The following NAALADL2 variants were observed in gnomAD, a reference collection of about 807,000 sequenced individuals.
NAALADL2 encodes the protein inactive N-acetylated-alpha-linked acidic dipeptidase-like protein 2.
Under a neutral mutation model 87.2 loss-of-function variants are expected in NAALADL2, and 76 were observed. The ratio of observed to expected loss-of-function variants is 0.87; its 90% CI spans 0.72 to 1.05. The LOEUF (loss-of-function observed/expected upper bound fraction) is 1.05. Among genes scored for constraint, NAALADL2 ranks in the 50% least tolerant of loss-of-function variants. NAALADL2 has a pLI of 0.00. For missense variants in NAALADL2, 1,089 were observed against 945.8 expected (o/e 1.15, Z -1.99); for synonymous variants, 354 against 331.0 (o/e 1.07, Z -0.75).
At chr3:174,638,737 G>T (rs1222421442) in intron 2 of NAALADL2, among the ~76,000 whole-genome samples, 1 of 152,152 alleles carries the variant, frequency 6.6e-6, no homozygotes, top group African/African-American at 2.4e-5. Flanking sequence ...AGAAAAATTG[G>T]TGAAGGAATT....
At chr3:175,765,318 T>G (rs1439293575) in intron 13 of NAALADL2, among the ~76,000 whole-genome samples, 1 of 152,126 alleles carries the variant, frequency 6.6e-6, no homozygotes, top group African/African-American at 2.4e-5. Flanking sequence ...GTCCCTTTAA[T>G]ATTTTTAAAG....
At chr3:175,094,125 T>C (rs9831562) in intron 1 of NAALADL2, among the ~76,000 whole-genome samples, 10,253 of 150,958 alleles carry the variant, frequency 0.068, 641 homozygotes, top group African/African-American at 0.17. Flanking sequence ...CAATGTTTTT[T>C]AAAAAAAAAC....
chr3:175,310,456 T>C (rs779779238), intron 4 of NAALADL2, among the ~76,000 whole-genome samples: 6 of 152,214 alleles, frequency 3.9e-5, no homozygotes, highest in Admixed American at 1.3e-4. Flanking sequence ...CAGAAAATGA[T>C]GTATGTCACT....
intron 13 of NAALADL2, among the ~76,000 whole-genome samples, chr3:175,767,177 G>T (rs1272365860): frequency 6.6e-6 from 1 of 151,946 alleles, no homozygotes; most frequent in Non-Finnish European, 1.5e-5. Context: ...CAGTCTGCTT[G>T]CTAAAAACAC....
intron 3 of NAALADL2, among the ~76,000 whole-genome samples, chr3:175,250,759 T>C (rs1748913802): frequency 6.6e-6 from 1 of 152,204 alleles, no homozygotes; most frequent in African/African-American, 2.4e-5. Context: ...CAATGCAAGA[T>C]TGCTATCTGA....
rs546424866 is a variant in NAALADL2 at position 174,921,558 on chromosome 3, T to C, written c.43+62108T>C. On this transcript the variant is annotated intron_variant, in intron 1 of 13. Transcript: ENST00000454872. ...GGCTCACACCTGTAATCCCAGCACT[T>C]TGGCAGGCCGAGGCAGGCGGATCAC... 6.6e-5 allele frequency among the ~76,000 whole-genome samples: 10 copies of C among 152,146 alleles called. No homozygotes were observed. In the South Asian group the frequency reaches 2.1e-3, roughly 32 times the overall value.
At chr3:175,156,611 A>G (rs1732371882) in intron 2 of NAALADL2, among the ~76,000 whole-genome samples, 1 of 152,142 alleles carries the variant, frequency 6.6e-6, no homozygotes, top group African/African-American at 2.4e-5. Flanking sequence ...TGAAATACTG[A>G]TTAAATATTA....
chr3:175,545,615 A>C (rs1713177294), intron 9 of NAALADL2, among the ~76,000 whole-genome samples: 4 of 152,150 alleles, frequency 2.6e-5, no homozygotes, highest in Admixed American at 2.6e-4. Context: ...TTGCATTACT[A>C]TAATGTTAAA....
At chr3:175,107,511 TACACACACACACAC>T (rs776469358) in intron 2 of NAALADL2, among the ~76,000 whole-genome samples, 1 of 117,270 alleles carries the variant, frequency 8.5e-6, no homozygotes, top group East Asian at 2.4e-4. Context: ...AACACACACA[TACACACACACACAC>T]ACACACACAA....
chr3:174,443,716 T>C (rs745442783), intron 1 of NAALADL2, among the ~76,000 whole-genome samples: 78 of 152,246 alleles, frequency 5.1e-4, no homozygotes, highest in Non-Finnish European at 9.1e-4. Context: ...CATAATGGTG[T>C]ACGTCAGCAT....
At chr3:175,666,997 A>C (rs922914581) in intron 11 of NAALADL2, among the ~76,000 whole-genome samples, 1 of 151,834 alleles carries the variant, frequency 6.6e-6, no homozygotes, top group African/African-American at 2.4e-5. Flanking sequence ...TTGACAAATA[A>C]ATATGGCATG....
At chr3:174,659,136 G>A (rs1725267199) in intron 2 of NAALADL2, among the ~76,000 whole-genome samples, 1 of 152,150 alleles carries the variant, frequency 6.6e-6, no homozygotes, top group Non-Finnish European at 1.5e-5. Flanking sequence ...TAGTTATGAT[G>A]TGGAAATTAT....
At chr3:174,623,681 G>A (rs1721266935) in intron 2 of NAALADL2, among the ~76,000 whole-genome samples, 1 of 151,354 alleles carries the variant, frequency 6.6e-6, no homozygotes, top group Non-Finnish European at 1.5e-5. Flanking sequence ...GTGTACCCAT[G>A]CAGTTTAACC....
At chr3:174,995,376 CTT>C (rs1444341275) in intron 1 of NAALADL2, among the ~76,000 whole-genome samples, 1 of 152,022 alleles carries the variant, frequency 6.6e-6, no homozygotes, top group Non-Finnish European at 1.5e-5. Flanking sequence ...AAATTTAAAA[CTT>C]ATAGCACAAA....
chr3:174,885,915 T>G (rs1579359333), intron 1 of NAALADL2, among the ~76,000 whole-genome samples: 1 of 48,176 alleles, frequency 2.1e-5, no homozygotes, highest in African/African-American at 9.7e-5. Context: ...TTTTTTTTTT[T>G]TTTTTTTTTT....
chr3:175,711,804 A>T (rs1286895674), intron 11 of NAALADL2, among the ~76,000 whole-genome samples: 1 of 150,994 alleles, frequency 6.6e-6, no homozygotes, highest in Non-Finnish European at 1.5e-5. Flanking sequence ...TTATATACTT[A>T]TTTGTTATCA....
chr3:174,904,529 A>G (rs987463858), intron 1 of NAALADL2, among the ~76,000 whole-genome samples: 4 of 151,914 alleles, frequency 2.6e-5, no homozygotes, highest in African/African-American at 9.7e-5. Context: ...TGTTTTGCTA[A>G]TTGCACAGAA....
intron 1 of NAALADL2, among the ~76,000 whole-genome samples, chr3:175,039,439 C>A (rs1483355097): frequency 6.6e-6 from 1 of 152,168 alleles, no homozygotes; most frequent in African/African-American, 2.4e-5. Flanking sequence ...GATACCTACA[C>A]AATCCCTCCT....
At chr3:174,626,797 C>T (rs1236054659) in intron 2 of NAALADL2, among the ~76,000 whole-genome samples, 1 of 151,956 alleles carries the variant, frequency 6.6e-6, no homozygotes, top group Non-Finnish European at 1.5e-5. Context: ...TGCGCTTTTT[C>T]ATTTATTTCT....
Sources: gnomAD v4.1 joint callset for allele counts (sites outside exome capture counted in the v4.1 genomes callset) on GRCh38, gnomAD v4.1.1 for gene constraint, MANE v1.5 for transcripts, NCBI Gene and HGNC (gene_info 2026-07-23, HGNC 2026-07-21) for gene names.